The following OPCML variants were observed in gnomAD, a reference collection of about 807,000 sequenced individuals.
The protein encoded by OPCML is opioid binding protein/cell adhesion molecule like, also known as opioid-binding protein/cell adhesion molecule.
A neutral mutation model predicts 37.8 loss-of-function variants in OPCML; 13 were observed. The observed-to-expected ratio is 0.34, with a 90% CI of 0.22 to 0.55. OPCML has a LOEUF of 0.55. Among genes scored for constraint, OPCML ranks in the 20% least tolerant of loss-of-function variants. OPCML has a pLI of 0.91. For missense variants in OPCML, 341 were observed against 435.6 expected (o/e 0.78, Z 1.93); for synonymous variants, 176 against 168.8 (o/e 1.04, Z -0.33).
At chr11:133,043,767 C>T (rs12279774) in intron 1 of OPCML, among the ~76,000 whole-genome samples, 26,707 of 152,094 alleles carry the variant, frequency 0.18, 2,846 homozygotes, top group African/African-American at 0.28. Context: ...AGAAACATAA[C>T]GAGATAAAGC....
At chr11:132,889,169 C>T (rs565370087) in intron 2 of OPCML, among the ~76,000 whole-genome samples, 1 of 152,304 alleles carries the variant, frequency 6.6e-6, no homozygotes, top group South Asian at 2.1e-4. Context: ...ATCTCAAGGA[C>T]AGACAAAGAA....
At chr11:132,453,130 G>A (rs956261705) in intron 4 of OPCML, among the ~76,000 whole-genome samples, 1 of 152,118 alleles carries the variant, frequency 6.6e-6, no homozygotes, top group Non-Finnish European at 1.5e-5. Context: ...CCCTCATCTG[G>A]GTTCCTGTAG....
chr11:133,382,660 T>C (rs944014944), intron 1 of OPCML, among the ~76,000 whole-genome samples: 3 of 152,178 alleles, frequency 2.0e-5, no homozygotes, highest in African/African-American at 7.2e-5. Context: ...CCTCAATAAA[T>C]GTCTTTCAAC....
chr11:133,068,140 C>G (rs1021531326), intron 1 of OPCML: 1 of 152,152 alleles, frequency 6.6e-6, no homozygotes. Flanking sequence ...TTGATACTGA[C>G]AGATGGTATT....
At chr11:132,630,273 G>A (rs1565726791) in intron 3 of OPCML, among the ~76,000 whole-genome samples, 1 of 152,258 alleles carries the variant, frequency 6.6e-6, no homozygotes, top group East Asian at 1.9e-4. Context: ...GTGAAGAAAT[G>A]GTAGGACTGG....
Position 133,499,853 on chromosome 11 carries a change from CAT to C in OPCML, c.61+32409_61+32410del, listed in dbSNP as rs1287390470. ...ATATATGTGTATGTATATATATATA[CAT>C]ACACATATATATATATATATTTTTT... On this transcript the variant is annotated intron_variant, in intron 1 of 7. Coordinates refer to ENST00000524381, the MANE Select transcript of OPCML (RefSeq NM_001012393.5). 3.1e-3 allele frequency among the ~76,000 whole-genome samples: 362 copies of C among 115,526 alleles called. 2 individuals carry two copies. The highest frequency in any genetic ancestry group is 0.014 in the African/African-American group (348 of 24,306). 75.8% of individuals were successfully genotyped at this position (115,526 alleles called of 152,430 possible).
chr11:132,614,157 G>C (rs901503630), intron 3 of OPCML, among the ~76,000 whole-genome samples: 1 of 151,914 alleles, frequency 6.6e-6, no homozygotes, highest in African/African-American at 2.4e-5. Context: ...AAAGACTCCC[G>C]GTTCCGGTTC....
At chr11:133,221,663 C>CATT (rs1238779770) in intron 1 of OPCML, among the ~76,000 whole-genome samples, 1 of 152,178 alleles carries the variant, frequency 6.6e-6, no homozygotes, top group African/African-American at 2.4e-5. Context: ...GAGGTTGCTG[C>CATT]ATTCACCTCT....
At chr11:133,210,664 G>A (rs142608856) in intron 1 of OPCML, among the ~76,000 whole-genome samples, 20 of 152,222 alleles carry the variant, frequency 1.3e-4, no homozygotes, top group African/African-American at 1.9e-4. Context: ...GGAGCTAAAG[G>A]TTCCAACATA....
At chr11:132,927,650 GT>G (rs1225958574) in intron 2 of OPCML, among the ~76,000 whole-genome samples, 1 of 151,942 alleles carries the variant, frequency 6.6e-6, no homozygotes, top group Admixed American at 6.6e-5. Context: ...AAGTTCTCTG[GT>G]AAATATAATA....
In OPCML at chr11:132,581,980, GCC is replaced by G. The variant is rs550327092; in HGVS notation, c.380-52796_380-52795del. On this transcript the variant is annotated intron_variant, in intron 3 of 7. Coordinates refer to ENST00000524381, the MANE Select transcript of OPCML (RefSeq NM_001012393.5). ...GTAAACAGTCAACCCAAGAACTGCA[GCC>G]CCCAGTGAAACAAACTGGGCTCAAA... Among the ~76,000 whole-genome samples the G allele has an allele frequency of 4.6e-5, 7 of 152,154 alleles. No individual in the cohort carries two copies. In the South Asian group the frequency reaches 1.5e-3, roughly 32 times the overall value.
At chr11:133,030,344 AC>A (rs1399727479) in intron 1 of OPCML, among the ~76,000 whole-genome samples, 1 of 152,014 alleles carries the variant, frequency 6.6e-6, no homozygotes, top group Admixed American at 6.6e-5. Flanking sequence ...ATGCTCACAA[AC>A]CCCCAAGTAC....
chr11:133,125,736 T>C (rs1423660071), intron 1 of OPCML, among the ~76,000 whole-genome samples: 1 of 126,692 alleles, frequency 7.9e-6, no homozygotes, highest in African/African-American at 3.1e-5. Context: ...GTATATATAG[T>C]ATATATATAG....
chr11:133,203,338 T>A (rs1262797238), intron 1 of OPCML, among the ~76,000 whole-genome samples: 2 of 152,158 alleles, frequency 1.3e-5, no homozygotes, highest in Admixed American at 1.3e-4. Context: ...TCTAAACTTA[T>A]TTTACTAAGA....
At chr11:132,467,715 G>A (rs2096124089) in intron 4 of OPCML, among the ~76,000 whole-genome samples, 1 of 152,162 alleles carries the variant, frequency 6.6e-6, no homozygotes. Flanking sequence ...GTGAGAAAGG[G>A]GTTTCTGGGT....
At chr11:132,885,943 C>G (rs1943395208) in intron 2 of OPCML, among the ~76,000 whole-genome samples, 1 of 151,826 alleles carries the variant, frequency 6.6e-6, no homozygotes, top group Non-Finnish European at 1.5e-5. Flanking sequence ...GAGACAGAAA[C>G]ACACACACAC....
At chr11:132,690,954 C>T (rs755652039) in intron 2 of OPCML, among the ~76,000 whole-genome samples, 4 of 152,176 alleles carry the variant, frequency 2.6e-5, no homozygotes, top group South Asian at 2.1e-4. Flanking sequence ...ATAGGCTTTA[C>T]GAAACCTTTC....
chr11:132,700,582 G>C (rs560816742), intron 2 of OPCML, among the ~76,000 whole-genome samples: 1 of 152,198 alleles, frequency 6.6e-6, no homozygotes, highest in African/African-American at 2.4e-5. Flanking sequence ...CCAAATATTT[G>C]TGAGTTTTCC....
At chr11:132,518,911 C>T (rs996908109) in intron 4 of OPCML, among the ~76,000 whole-genome samples, 6 of 152,178 alleles carry the variant, frequency 3.9e-5, no homozygotes, top group Non-Finnish European at 7.3e-5. Flanking sequence ...TTACAACAGA[C>T]GGTAGGCAGG....
Sources: allele counts gnomAD v4.1 joint callset (sites outside exome capture counted in the v4.1 genomes callset), GRCh38; gene constraint gnomAD v4.1.1; transcripts MANE v1.5; gene names NCBI Gene and HGNC (gene_info 2026-07-23, HGNC 2026-07-21).